Variants in LRRC4C observed in about 807,000 individuals in gnomAD.
The protein encoded by LRRC4C is leucine rich repeat containing 4C, also known as leucine-rich repeat-containing protein 4C.
In LRRC4C, 5 loss-of-function variants were observed where a neutral mutation model predicts 33.6. That is an observed-to-expected ratio of 0.15 (90% CI 0.08 to 0.31). The LOEUF is 0.31. Among genes scored for constraint, LRRC4C ranks in the 10% least tolerant of loss-of-function variants. LRRC4C has a pLI of 1.00. For synonymous variants in LRRC4C, 329 were observed against 302.0 expected, an observed-to-expected ratio of 1.09 and a Z score of -0.93; for missense variants, 560 against 796.7, an observed-to-expected ratio of 0.70 and a Z score of 3.58.
intron 2 of LRRC4C, among the ~76,000 whole-genome samples, chr11:40,912,598 A>T (rs1956751681): frequency 6.6e-6 from 1 of 152,236 alleles, no homozygotes; most frequent in Non-Finnish European, 1.5e-5. Flanking sequence ...AACCATGCCA[A>T]ATTGTAAAGA....
At chr11:41,156,838 T>C (rs1162983529) in intron 1 of LRRC4C, among the ~76,000 whole-genome samples, 1 of 152,064 alleles carries the variant, frequency 6.6e-6, no homozygotes, top group East Asian at 1.9e-4. Context: ...GGCAGTGCTA[T>C]GGTTTGGATG....
chr11:41,302,274 C>T (rs1950308453), intron 1 of LRRC4C, among the ~76,000 whole-genome samples: 1 of 152,020 alleles, frequency 6.6e-6, no homozygotes, highest in Non-Finnish European at 1.5e-5. Flanking sequence ...TGGACTGTAA[C>T]CTTATTGAAG....
rs1042912872 is a variant in LRRC4C at position 41,318,053 on chromosome 11, G to A, written c.-496+141378C>T. On this transcript the variant is annotated intron_variant, in intron 1 of 6. Coordinates refer to ENST00000528697, the MANE Select transcript of LRRC4C (RefSeq NM_001258419.2). ...AATACAATAGAAATATGGAAGTCAT[G>A]CTGCAAAAATAATATTGAACAACAT... Among the ~76,000 whole-genome samples, 27 of 152,256 alleles carry A rather than the reference G, an allele frequency of 1.8e-4. 1 individual carries two copies. The highest frequency in any genetic ancestry group is 6.3e-4 in the African/African-American group (26 of 41,558).
At chr11:40,709,057 G>A (rs1946328377) in intron 2 of LRRC4C, among the ~76,000 whole-genome samples, 1 of 151,836 alleles carries the variant, frequency 6.6e-6, no homozygotes, top group Non-Finnish European at 1.5e-5. Flanking sequence ...CATTTGCTTG[G>A]TAGATTTTAC....
In LRRC4C at chr11:40,545,232, A is replaced by T. The variant is rs187188991; in HGVS notation, c.-270+102910T>A. Among the ~76,000 whole-genome samples the T allele has an allele frequency of 5.1e-4, 78 of 152,028 alleles. 3 individuals are homozygous for T. The East Asian group carries it at 0.015, about 29-fold the overall frequency. ...TGAATATCTGCTCTTCCTTCCCCCA[A>T]CAAGACTACTAGTTCTTTAAACACA... On this transcript the variant is annotated intron_variant, in intron 3 of 6. Coordinates refer to ENST00000528697, the MANE Select transcript of LRRC4C (RefSeq NM_001258419.2).
At chr11:40,355,455 G>A (rs546659154) in intron 3 of LRRC4C, among the ~76,000 whole-genome samples, 1 of 152,278 alleles carries the variant, frequency 6.6e-6, no homozygotes, top group East Asian at 1.9e-4. Flanking sequence ...AACCCAGAGT[G>A]CTTTAACCTA....
intron 1 of LRRC4C, among the ~76,000 whole-genome samples, chr11:41,218,068 G>A (rs12271318): frequency 6.6e-6 from 1 of 151,746 alleles, no homozygotes; most frequent in African/African-American, 2.4e-5. Flanking sequence ...CTACACATAC[G>A]GCATGTGGTA....
intron 3 of LRRC4C, among the ~76,000 whole-genome samples, chr11:40,451,875 G>T (rs922158387): frequency 6.6e-6 from 1 of 152,152 alleles, no homozygotes; most frequent in Non-Finnish European, 1.5e-5. Flanking sequence ...TGCAGAAGAC[G>T]AATGATTTCT....
At chr11:40,747,037 G>A (rs1948461643) in intron 2 of LRRC4C, among the ~76,000 whole-genome samples, 3 of 152,224 alleles carry the variant, frequency 2.0e-5, no homozygotes, top group South Asian at 2.1e-4. Context: ...CTGGTGGCTC[G>A]TGAATCATCC....
intron 1 of LRRC4C, among the ~76,000 whole-genome samples, chr11:41,332,452 A>C (rs1316095481): frequency 6.6e-6 from 1 of 152,170 alleles, no homozygotes; most frequent in Non-Finnish European, 1.5e-5. Flanking sequence ...TGCCTTTGCC[A>C]CTCCAACTCT....
intron 1 of LRRC4C, among the ~76,000 whole-genome samples, chr11:41,246,055 C>T (rs11036316): frequency 0.045 from 6,914 of 152,232 alleles, 197 homozygotes; most frequent in South Asian, 0.074. Context: ...AGGCCATTCC[C>T]TAGCCTGAAG....
chr11:40,614,699 A>C (rs1020891068), intron 3 of LRRC4C, among the ~76,000 whole-genome samples: 1 of 151,586 alleles, frequency 6.6e-6, no homozygotes, highest in Admixed American at 6.6e-5. Context: ...GAGCCATGTG[A>C]GTCTTCCCTT....
At chr11:40,154,275 C>T (rs1308671988) in intron 5 of LRRC4C, among the ~76,000 whole-genome samples, 3 of 98,374 alleles carry the variant, frequency 3.0e-5, no homozygotes, top group African/African-American at 1.2e-4. Context: ...AACAAAAATA[C>T]AAGCTAAAAA....
chr11:40,687,999 T>C (rs76294926), intron 2 of LRRC4C, among the ~76,000 whole-genome samples: 1 of 149,900 alleles, frequency 6.7e-6, no homozygotes, highest in South Asian at 2.1e-4. Flanking sequence ...TTTTTTTTTT[T>C]CCTGAGGATA....
chr11:40,917,483 C>A (rs949632691), intron 2 of LRRC4C, among the ~76,000 whole-genome samples: 15 of 152,166 alleles, frequency 9.9e-5, no homozygotes, highest in South Asian at 6.2e-4. Context: ...ATGATTTCAA[C>A]TTATAAAAGA....
chr11:40,411,003 T>G (rs1950137895), intron 3 of LRRC4C, among the ~76,000 whole-genome samples: 3 of 152,032 alleles, frequency 2.0e-5, no homozygotes. Flanking sequence ...CTTGCTTTCT[T>G]GTTTATGTGT....
At chr11:41,156,472 C>G (rs1944237598) in intron 1 of LRRC4C, among the ~76,000 whole-genome samples, 1 of 152,070 alleles carries the variant, frequency 6.6e-6, no homozygotes, top group South Asian at 2.1e-4. Flanking sequence ...ATCATTCCCA[C>G]TTAACATTAA....
chr11:40,549,717 A>G (rs992092964), intron 3 of LRRC4C, among the ~76,000 whole-genome samples: 3 of 152,178 alleles, frequency 2.0e-5, no homozygotes, highest in Non-Finnish European at 2.9e-5. Flanking sequence ...ATGACTATGG[A>G]GATGGCTTCA....
intron 2 of LRRC4C, among the ~76,000 whole-genome samples, chr11:40,777,514 T>TG (rs1007571124): frequency 5.6e-5 from 8 of 143,772 alleles, no homozygotes; most frequent in African/African-American, 1.8e-4. Flanking sequence ...TTTTTTTTTT[T>TG]TTTGTTTAAA....
Sources: allele counts gnomAD v4.1 joint callset (sites outside exome capture counted in the v4.1 genomes callset), GRCh38; gene constraint gnomAD v4.1.1; transcripts MANE v1.5; gene names NCBI Gene and HGNC (gene_info 2026-07-23, HGNC 2026-07-21).